The following NBPF14 variants were observed in gnomAD, a reference collection of about 807,000 sequenced individuals.
NBPF14 encodes the protein NBPF family member NBPF14.
Under a neutral mutation model 91.2 loss-of-function variants are expected in NBPF14, and 104 were observed. The observed-to-expected ratio is 1.14, with a 90% confidence interval of 0.97 to 1.34. The LOEUF (loss-of-function observed/expected upper bound fraction) is 1.34. Among genes scored for constraint, NBPF14 ranks in the 40% most tolerant of loss-of-function variants. The probability of loss-of-function intolerance (pLI) is 0.00; values close to 1 mark genes in which losing one functional copy is unlikely to be tolerated. For missense variants in NBPF14, 908 were observed against 783.0 expected (o/e 1.16, Z -1.91); for synonymous variants, 294 against 303.8 (o/e 0.97, Z 0.34).
rs1189822919 is a variant in NBPF14, at chr1:148,587,025, T to G, written c.1091+276A>C. Among the ~76,000 whole-genome samples, 8 of 147,322 alleles carry G rather than the reference T, an allele frequency of 5.4e-5. 1 individual carries two copies. In the East Asian group the frequency reaches 9.7e-4, roughly 18 times the overall value. On this transcript the variant is annotated intron_variant, in intron 8 of 70. Coordinates refer to ENST00000619423, the Ensembl canonical transcript of NBPF14. ...ATTTTGAGTATACTGAATGCTGCTG[T>G]GTGGTTCACACTCCTTTGGTTAATT...
Position 148,572,632 on chromosome 1 carries a change from A to T in NBPF14, c.2586-17T>A. On this transcript the variant is annotated splice_polypyrimidine_tract_variant and intron_variant, in intron 20 of 70. Coordinates refer to ENST00000619423, the Ensembl canonical transcript of NBPF14. ...CTGCTGAGCCTGGAAAAGTGGGAAA[A>T]AGTAAAGAATAAGCCAGGGGGAATC... 1 of 594,658 alleles carries T rather than the reference A, an allele frequency of 1.7e-6. No homozygotes were observed. The highest frequency in any genetic ancestry group is 2.9e-6 in the Non-Finnish European group (1 of 340,002). The allele number at this position is 594,658 out of a possible 1,614,324, so 36.8% of individuals were successfully genotyped here.
At chr1:148,534,640 G>A (rs1188865539) in intron 69 of NBPF14, 44 bp downstream of exon 69, 6 of 877,980 alleles carry the variant, frequency 6.8e-6, no homozygotes, top group Middle Eastern at 3.3e-4. Context: ...CCCCTATCTG[G>A]AAGACCAGGT....
At chr1:148,566,067 G>C in intron 29 of NBPF14, 76 bp downstream of exon 29, 2 of 343,688 alleles carry the variant, frequency 5.8e-6, no homozygotes, top group East Asian at 5.9e-5. Flanking sequence ...CTCAGTAATG[G>C]CCACTTGGAG....
chr1:148,572,308 C>A lies in NBPF14; in HGVS notation c.2758+135G>T, dbSNP rs1659216135. 8.8e-5 allele frequency: 19 copies of A among 215,462 alleles called. 3 individuals carry two copies. Among genetic ancestry groups the A allele is most frequent in the Non-Finnish European group, 1.3e-4 (16 of 124,334 alleles). 13.3% of individuals were successfully genotyped at this position (215,462 alleles called of 1,614,324 possible). ...TCCAACTGAGACTACAGTTTCATTA[C>A]AACCTATATGCGCCCATAGGTCCTG... On this transcript the variant is annotated intron_variant, in intron 21 of 70. Coordinates refer to ENST00000619423, the Ensembl canonical transcript of NBPF14.
Position 148,572,803 on chromosome 1 carries a change from GACAGAC to G in NBPF14, c.2586-194_2586-189del, listed in dbSNP as rs1256415986. Among the ~76,000 whole-genome samples the G allele has an allele frequency of 1.3e-4, 7 of 55,408 alleles. 1 individual carries two copies. The Middle Eastern group carries it at 0.016, about 124-fold the overall frequency. The allele number at this position is 55,408 out of a possible 152,430, so 36.3% of individuals were successfully genotyped here. A position where few individuals can be genotyped will look rare whatever the true frequency, so the allele number is the denominator to read the frequency against. ...CAGATAGAAAACAATGAAAGAGAGA[GACAGAC>G]AGAGACAGAGACAGAGACAGAGACA... On this transcript the variant is annotated intron_variant, in intron 20 of 70. Coordinates refer to ENST00000619423, the Ensembl canonical transcript of NBPF14.
At position 148,534,777 on chromosome 1, in the gene NBPF14, C is replaced by A; in HGVS notation, c.8521G>T (p.Gly2841Cys). Residue 2841 changes from glycine to cysteine, a missense_variant, in exon 69 of 71, where the codon GGT (glycine) becomes TGT (cysteine). Coordinates refer to ENST00000619423, the Ensembl canonical transcript of NBPF14. ...CCTAAGTCAGGCAGTTCAAGATAAC[C>A]TGAAGGAGTCGAATAACATCTATCC... The A allele has an allele frequency of 2.4e-6, 2 of 845,024 alleles. 1 individual carries two copies. Among genetic ancestry groups the A allele is most frequent in the South Asian group, 2.7e-5 (2 of 75,318 alleles). The allele number at this position is 845,024 out of a possible 1,614,324, so 52.3% of individuals were successfully genotyped here.
intron 6 of NBPF14, among the ~76,000 whole-genome samples, chr1:148,590,250 G>C (rs1193545244): frequency 1.4e-5 from 2 of 139,750 alleles, no homozygotes; most frequent in Non-Finnish European, 3.2e-5. Context: ...GTAAAGATGG[G>C]GTTTCACCGT....
intron 70 of NBPF14, among the ~76,000 whole-genome samples, chr1:148,533,550 T>G (rs1553331536): frequency 6.7e-6 from 1 of 149,832 alleles, no homozygotes. Context: ...AGTGCCCTCA[T>G]GACACACAGC....
intron 59 of NBPF14, among the ~76,000 whole-genome samples, chr1:148,542,105 T>C (rs1482816610): frequency 9.8e-6 from 1 of 102,116 alleles, no homozygotes; most frequent in East Asian, 4.4e-4. Flanking sequence ...AGTTACGCCA[T>C]ATTTTTCCAA....
intron 12 of NBPF14, among the ~76,000 whole-genome samples, chr1:148,579,753 C>T (rs1371628203): frequency 6.6e-6 from 1 of 152,136 alleles, no homozygotes; most frequent in African/African-American, 2.4e-5. Context: ...ACACCTCTCC[C>T]TGGATTTAGA....
chr1:148,539,474 C>A, exon 63 of NBPF14: 1 of 315,844 alleles, frequency 3.2e-6, no homozygotes, highest in Non-Finnish European at 5.4e-6. Context: ...TGCTGTAGGG[C>A]TGGCCTAAGT....
chr1:148,572,615 C>T lies in NBPF14; in HGVS notation c.2586G>A (p.Arg862=), dbSNP rs1229205373. The T allele has an allele frequency of 8.8e-6, 5 of 567,370 alleles. 1 individual carries two copies. The highest frequency in any genetic ancestry group is 2.1e-5 in the South Asian group (1 of 48,616). The allele number at this position is 567,370 out of a possible 1,614,324, so 35.1% of individuals were successfully genotyped here. A position where few individuals can be genotyped will look rare whatever the true frequency, so the allele number is the denominator to read the frequency against. Reference sequence around the variant, plus strand: ...TCTCATCCAGCAGCTCCCTGCTGAGCCTGGAAAAGTGGGAAAAAGTAAAGA... The same window carrying T: ...TCTCATCCAGCAGCTCCCTGCTGAGTCTGGAAAAGTGGGAAAAAGTAAAGA... The change falls in exon 21 of 71, where the codon AGG becomes AGA. Residue 862 remains arginine (R), a splice_region_variant and synonymous_variant. Transcript: ENST00000619423.
At chr1:148,587,171 T>C in intron 8 of NBPF14, 130 bp downstream of exon 8, 3 of 744,110 alleles carry the variant, frequency 4.0e-6, no homozygotes, top group Admixed American at 4.0e-5. Flanking sequence ...TATTTGTGTG[T>C]AGCGAGCCTG....
At chr1:148,587,236 T>A (rs1293418613) in intron 8 of NBPF14, 65 bp downstream of exon 8, 1 of 1,373,328 alleles carries the variant, frequency 7.3e-7, no homozygotes, top group Non-Finnish European at 1.0e-6. Flanking sequence ...GTCTCCCCAC[T>A]GAGCTGCTGT....
In NBPF14 at chr1:148,569,195, A is replaced by C. The variant is rs1377697937; in HGVS notation, c.3265+60T>G. The C allele has an allele frequency of 1.1e-5, 3 of 261,668 alleles. 1 individual carries two copies. The highest frequency in any genetic ancestry group is 1.9e-5 in the Non-Finnish European group (3 of 161,390). The allele number at this position is 261,668 out of a possible 1,614,324, so 16.2% of individuals were successfully genotyped here. A position where few individuals can be genotyped will look rare whatever the true frequency, so the allele number is the denominator to read the frequency against. ...CTCAGTAAGGGCCACTTGCAGTAGG[A>C]ATATGACCCTAACCAGAAGACTCAG... On this transcript the variant is annotated intron_variant, in intron 25 of 70. Transcript: ENST00000619423.
At chr1:148,534,466 G>C (rs1161507317) in intron 69 of NBPF14, among the ~76,000 whole-genome samples, 1 of 151,734 alleles carries the variant, frequency 6.6e-6, no homozygotes, top group Non-Finnish European at 1.5e-5. Flanking sequence ...GGGCGCCACA[G>C]GTATGGCCTG....
At chr1:148,559,440 G>A (rs1405011819) in intron 37 of NBPF14, among the ~76,000 whole-genome samples, 1 of 133,352 alleles carries the variant, frequency 7.5e-6, no homozygotes, top group Non-Finnish European at 1.5e-5. Context: ...GTTCATGGTA[G>A]CGAGGATTTC....
chr1:148,534,814 C>T lies in NBPF14; in HGVS notation c.8484G>A (p.Leu2828=), dbSNP rs1166991717. The T allele has an allele frequency of 3.7e-5, 41 of 1,095,704 alleles. 6 individuals are homozygous for T. Among genetic ancestry groups the T allele is most frequent in the African/African-American group, 3.3e-4 (18 of 54,516 alleles). The allele number at this position is 1,095,704 out of a possible 1,614,324, so 67.9% of individuals were successfully genotyped here. Reference sequence around the variant, plus strand: ...AATAACATCTATCCAGTGAGTCCTGCAAGACTTCAGGATCTTTCTCATCCA... The same window carrying T: ...AATAACATCTATCCAGTGAGTCCTGTAAGACTTCAGGATCTTTCTCATCCA... Residue 2828 remains leucine (L), a synonymous_variant, in exon 69 of 71, where the codon TTG becomes TTA. Coordinates refer to ENST00000619423, the Ensembl canonical transcript of NBPF14.
Position 148,591,374 on chromosome 1 carries a change from C to T in NBPF14, c.566+58G>A, listed in dbSNP as rs1662449124. ...ATCATAGATGCCAGAGAGGGTGTGCCTCCTAGACATTTTCATACGTTACCA... is the reference window on the plus strand; with the variant it reads ...ATCATAGATGCCAGAGAGGGTGTGCTTCCTAGACATTTTCATACGTTACCA... On this transcript the variant is annotated intron_variant, in intron 5 of 70. Coordinates refer to ENST00000619423, the Ensembl canonical transcript of NBPF14. The T allele has an allele frequency of 1.7e-5, 26 of 1,496,136 alleles. No homozygotes were observed. The South Asian group carries it at 2.5e-4, about 14-fold the overall frequency. The allele number at this position is 1,496,136 out of a possible 1,614,324, so 92.7% of individuals were successfully genotyped here.
Sources: allele counts gnomAD v4.1 joint callset (sites outside exome capture counted in the v4.1 genomes callset), GRCh38; gene constraint gnomAD v4.1.1; transcripts MANE v1.5; gene names NCBI Gene and HGNC (gene_info 2026-07-23, HGNC 2026-07-21).